HSDL2: variants seen among roughly 807,000 people sequenced by gnomAD.
HSDL2 encodes hydroxysteroid dehydrogenase-like protein 2.
A neutral mutation model predicts 46.3 loss-of-function variants in HSDL2; 27 were observed. The observed-to-expected ratio is 0.58, with a 90% confidence interval of 0.43 to 0.80. The LOEUF is 0.80. Among genes scored for constraint, HSDL2 ranks in the 30% least tolerant of loss-of-function variants. The pLI, the probability that HSDL2 is intolerant of heterozygous loss-of-function variation, is 0.00. For missense variants in HSDL2, 451 were observed against 502.7 expected (o/e 0.90, Z 0.98); for synonymous variants, 153 against 163.6 (o/e 0.94, Z 0.50).
chr9:112,426,649 T>C (rs1368975444), intron 6 of HSDL2, among the ~76,000 whole-genome samples: 1 of 152,180 alleles, frequency 6.6e-6, no homozygotes, highest in African/African-American at 2.4e-5. Context: ...GAAAAATCGA[T>C]AGTGCAGCAG....
Position 112,459,445 on chromosome 9 carries a change from C to T in HSDL2, c.1016-4C>T. 1 of 1,613,606 alleles carries T rather than the reference C, an allele frequency of 6.2e-7. No individual in the cohort carries two copies. Among genetic ancestry groups the T allele is most frequent in the Non-Finnish European group, 8.5e-7 (1 of 1,179,626 alleles). On this transcript the variant is annotated splice_polypyrimidine_tract_variant and splice_region_variant and intron_variant, in intron 9 of 10. Coordinates refer to ENST00000398805, the MANE Select transcript of HSDL2 (RefSeq NM_032303.5). ...CATTGATTTCTATATGTTTATCTCTCTAGGTGAAGATGGTGGCACGTGGTT... is the reference window on the plus strand; with the variant it reads ...CATTGATTTCTATATGTTTATCTCTTTAGGTGAAGATGGTGGCACGTGGTT...
rs530195373 is a variant in HSDL2, at chr9:112,429,062, C to T, written c.599-9369C>T. ...TTCAGGCGCAGGCCACCATGCCCAG[C>T]TAATTTTTGTATTTTTAGTAGAGAT... On this transcript the variant is annotated intron_variant, in intron 6 of 10. Coordinates refer to ENST00000398805, the MANE Select transcript of HSDL2 (RefSeq NM_032303.5). Among the ~76,000 whole-genome samples the T allele has an allele frequency of 1.6e-3, 242 of 152,258 alleles. 1 individual carries two copies. Among genetic ancestry groups the T allele is most frequent in the Non-Finnish European group, 2.8e-3 (189 of 68,014 alleles).
chr9:112,418,064 G>A (rs780474789), intron 5 of HSDL2, among the ~76,000 whole-genome samples: 32 of 152,078 alleles, frequency 2.1e-4, no homozygotes, highest in Non-Finnish European at 3.7e-4. Context: ...GCAACAGAGT[G>A]AAACTGTATC....
chr9:112,405,188 C>T (rs1564109918), intron 2 of HSDL2, among the ~76,000 whole-genome samples: 2 of 152,030 alleles, frequency 1.3e-5, no homozygotes, highest in African/African-American at 4.8e-5. Flanking sequence ...CGTGTCTCTA[C>T]AAAAAATAGA....
chr9:112,405,178 C>A (rs547044475), intron 2 of HSDL2, among the ~76,000 whole-genome samples: 1 of 152,076 alleles, frequency 6.6e-6, no homozygotes, highest in Non-Finnish European at 1.5e-5. Context: ...ATGGCAAAAC[C>A]GTGTCTCTAC....
intron 10 of HSDL2, among the ~76,000 whole-genome samples, chr9:112,467,206 G>T (rs1554716483): frequency 6.6e-6 from 1 of 152,204 alleles, no homozygotes; most frequent in Non-Finnish European, 1.5e-5. Flanking sequence ...ACAAAGTGTG[G>T]TATATACATA....
intron 6 of HSDL2, among the ~76,000 whole-genome samples, chr9:112,435,538 C>T (rs1832506196): frequency 6.6e-6 from 1 of 151,946 alleles, no homozygotes. Flanking sequence ...CTTCTGTGAC[C>T]TTGGGCAAGT....
At chr9:112,461,388 A>AT (rs1564134651) in intron 10 of HSDL2, among the ~76,000 whole-genome samples, 1 of 152,046 alleles carries the variant, frequency 6.6e-6, no homozygotes, top group Admixed American at 6.6e-5. Flanking sequence ...CCCTTTAATG[A>AT]TTTTTAATAG....
chr9:112,383,733 G>A (rs967964923), intron 1 of HSDL2, among the ~76,000 whole-genome samples: 1 of 152,174 alleles, frequency 6.6e-6, no homozygotes, highest in African/African-American at 2.4e-5. Context: ...ACAGGGCCTC[G>A]CTCTGTCACC....
intron 1 of HSDL2, among the ~76,000 whole-genome samples, chr9:112,396,830 G>T (rs1473173663): frequency 1.3e-5 from 2 of 152,174 alleles, no homozygotes; most frequent in African/African-American, 4.8e-5. Context: ...TGAGACAGAA[G>T]AAGAGGCTGG....
At chr9:112,395,967 C>T (rs922627729) in intron 1 of HSDL2, among the ~76,000 whole-genome samples, 3 of 152,126 alleles carry the variant, frequency 2.0e-5, no homozygotes, top group African/African-American at 4.8e-5. Context: ...TAGCAGTGGC[C>T]GTCATTAAAA....
intron 1 of HSDL2, 88 bp downstream of exon 1, chr9:112,380,268 G>C (rs1014311798): frequency 5.7e-5 from 78 of 1,366,206 alleles, no homozygotes; most frequent in Non-Finnish European, 6.6e-5. Flanking sequence ...CGGGCTGGCC[G>C]GCCCGGCTGT....
intron 3 of HSDL2, 52 bp from the exon 4 acceptor site, chr9:112,408,853 TTG>T: frequency 2.1e-6 from 2 of 945,838 alleles, no homozygotes; most frequent in Non-Finnish European, 3.4e-6. Context: ...AACGCTTTTT[TTG>T]TGTGTGATAA....
chr9:112,416,710 G>C, intron 4 of HSDL2, 131 bp from the exon 5 acceptor site: 1 of 507,770 alleles, frequency 2.0e-6, no homozygotes, highest in South Asian at 2.8e-5. Context: ...GGAGCTCAAG[G>C]CTTTAGTGAA....
At chr9:112,417,366 A>G (rs997443633) in intron 5 of HSDL2, among the ~76,000 whole-genome samples, 4 of 151,810 alleles carry the variant, frequency 2.6e-5, no homozygotes, top group Admixed American at 2.6e-4. Flanking sequence ...AGTCCTAGCT[A>G]CTTGAAAGGC....
At chr9:112,444,459 C>T (rs376416347) in intron 8 of HSDL2, among the ~76,000 whole-genome samples, 2 of 152,052 alleles carry the variant, frequency 1.3e-5, no homozygotes, top group Admixed American at 1.3e-4. Flanking sequence ...CAATATCAAC[C>T]AGGCATAGTG....
At chr9:112,392,147 A>G (rs533165319) in intron 1 of HSDL2, among the ~76,000 whole-genome samples, 2 of 152,290 alleles carry the variant, frequency 1.3e-5, no homozygotes, top group South Asian at 4.1e-4. Flanking sequence ...GAGTTTCAAA[A>G]GAGGGGGAGG....
At chr9:112,421,823 C>T (rs1028335300) in intron 6 of HSDL2, among the ~76,000 whole-genome samples, 2 of 152,122 alleles carry the variant, frequency 1.3e-5, no homozygotes, top group African/African-American at 2.4e-5. Context: ...TCCCTTTCCC[C>T]TGATTGGAGC....
intron 3 of HSDL2, among the ~76,000 whole-genome samples, chr9:112,407,121 T>C (rs78314495): frequency 0.016 from 2,476 of 152,304 alleles, 61 homozygotes; most frequent in African/African-American, 0.057. Context: ...CCTCTTCCCT[T>C]AAATCCAAAA....
Sources: allele counts gnomAD v4.1 joint callset (sites outside exome capture counted in the v4.1 genomes callset), GRCh38; gene constraint gnomAD v4.1.1; transcripts MANE v1.5; gene names NCBI Gene and HGNC (gene_info 2026-07-23, HGNC 2026-07-21).